ARHGAP10: variants seen among roughly 807,000 people sequenced by gnomAD.
ARHGAP10 encodes Rho GTPase activating protein 10, also known as rho GTPase-activating protein 10.
A neutral mutation model predicts 108.6 loss-of-function variants in ARHGAP10; 87 were observed. The observed-to-expected ratio is 0.80, with a 90% CI of 0.67 to 0.96. The LOEUF (loss-of-function observed/expected upper bound fraction) is 0.96. Among genes scored for constraint, ARHGAP10 ranks in the 40% least tolerant of loss-of-function variants. ARHGAP10 has a pLI of 0.00. For synonymous variants in ARHGAP10, 347 were observed against 341.1 expected, an observed-to-expected ratio of 1.02 and a Z score of -0.19; for missense variants, 939 against 954.5, an observed-to-expected ratio of 0.98 and a Z score of 0.21.
intron 10 of ARHGAP10, among the ~76,000 whole-genome samples, chr4:147,886,882 T>C (rs1735590551): frequency 6.6e-6 from 1 of 152,186 alleles, no homozygotes; most frequent in Admixed American, 6.5e-5. Flanking sequence ...GCAATTCTTA[T>C]GCCTTAGCCT....
rs1279066889 is a variant in ARHGAP10, at chr4:148,063,182, C to G, written c.2062C>G (p.Leu688Val). ...GQTRSSMVQWLNPQSPTTTSS... is the reference protein window; with the variant it reads ...GQTRSSMVQWVNPQSPTTTSS... ...GACCCGATCGTCTATGGTCCAGTGG[C>G]TTAACCCACAGTCTCCAACCACAAC... Residue 688 changes from leucine to valine, a missense_variant, in exon 21 of 23, where the codon CTT becomes GTT. Coordinates refer to ENST00000336498, the MANE Select transcript of ARHGAP10 (RefSeq NM_024605.4). 1 of 1,614,098 alleles carries G rather than the reference C, an allele frequency of 6.2e-7. No homozygotes were observed. The highest frequency in any genetic ancestry group is 8.5e-7 in the Non-Finnish European group (1 of 1,180,052).
At chr4:148,060,578 AC>A (rs1729574498) in intron 20 of ARHGAP10, among the ~76,000 whole-genome samples, 2 of 152,146 alleles carry the variant, frequency 1.3e-5, no homozygotes, top group Non-Finnish European at 2.9e-5. Context: ...GTTTGGCTGC[AC>A]AGGTCTCTTC....
chr4:148,030,015 A>G (rs894710353), intron 19 of ARHGAP10, among the ~76,000 whole-genome samples: 8 of 148,802 alleles, frequency 5.4e-5, no homozygotes, highest in South Asian at 2.2e-4. Context: ...ACCAACCCCA[A>G]TGCTAGTGAC....
At chr4:147,882,645 C>T (rs1369647513) in intron 10 of ARHGAP10, among the ~76,000 whole-genome samples, 3 of 152,052 alleles carry the variant, frequency 2.0e-5, no homozygotes, top group Non-Finnish European at 2.9e-5. Context: ...ACATCCTGTA[C>T]GTGATGGAGG....
intron 1 of ARHGAP10, among the ~76,000 whole-genome samples, chr4:147,769,609 C>T (rs1431612049): frequency 1.3e-5 from 2 of 152,190 alleles, no homozygotes; most frequent in Non-Finnish European, 2.9e-5. Flanking sequence ...CCTGAGGTTC[C>T]ACAAAACCCT....
In ARHGAP10 at chr4:147,892,814, A is replaced by G. The variant is rs367573073; in HGVS notation, c.1034+10882A>G. Among the ~76,000 whole-genome samples the G allele has an allele frequency of 2.6e-5, 4 of 152,242 alleles. No individual in the cohort carries two copies. In the East Asian group the frequency reaches 5.8e-4, roughly 22 times the overall value. On this transcript the variant is annotated intron_variant, in intron 10 of 22. Coordinates refer to ENST00000336498, the MANE Select transcript of ARHGAP10 (RefSeq NM_024605.4). The stretch of plus-strand genomic sequence containing the variant: ...GGGACACTGGGCAATATCTGGAGAC[A>G]CTGATATAATGTATTTTAACTGTGT...
rs1216209902 is a variant in ARHGAP10, at chr4:147,849,741, G to A, written c.384+2519G>A. Among the ~76,000 whole-genome samples the A allele has an allele frequency of 2.6e-5, 4 of 152,144 alleles. No individual in the cohort carries two copies. The East Asian group carries it at 7.7e-4, about 29-fold the overall frequency. On this transcript the variant is annotated intron_variant, in intron 4 of 22. Transcript: ENST00000336498. ...TTAAATCTATTCTAAGTGGCTAGGT[G>A]GTTTTTGTAAATTGGATTTTGAAAA...
At chr4:147,908,517 TTCAGCTA>T (rs1736594766) in intron 11 of ARHGAP10, among the ~76,000 whole-genome samples, 1 of 152,206 alleles carries the variant, frequency 6.6e-6, no homozygotes, top group South Asian at 2.1e-4. Context: ...AAAAACAATA[TTCAGCTA>T]TGTATTTATA....
intron 10 of ARHGAP10, among the ~76,000 whole-genome samples, chr4:147,888,300 C>T (rs1262038695): frequency 6.6e-6 from 1 of 152,156 alleles, no homozygotes; most frequent in African/African-American, 2.4e-5. Flanking sequence ...TTGTCCCTGA[C>T]CTCCAGCTTC....
At chr4:147,912,544 AACAAATATATAT>A (rs1311526586) in intron 12 of ARHGAP10, among the ~76,000 whole-genome samples, 6 of 108,594 alleles carry the variant, frequency 5.5e-5, no homozygotes, top group African/African-American at 2.2e-4. Flanking sequence ...CAAACAAACA[AACAAATATATAT>A]ATATATATAT....
chr4:147,838,873 C>T (rs1375821638), intron 3 of ARHGAP10, among the ~76,000 whole-genome samples: 2 of 152,118 alleles, frequency 1.3e-5, no homozygotes, highest in Non-Finnish European at 2.9e-5. Context: ...CTTAGTGTCC[C>T]TTTGTTTTTG....
intron 20 of ARHGAP10, among the ~76,000 whole-genome samples, chr4:148,060,218 C>G (rs1729550507): frequency 6.6e-6 from 1 of 151,964 alleles, no homozygotes; most frequent in Non-Finnish European, 1.5e-5. Context: ...CTTTCCTCTA[C>G]CGTTTTTTGA....
chr4:147,897,313 G>C (rs1380305396), intron 10 of ARHGAP10, among the ~76,000 whole-genome samples: 2 of 151,464 alleles, frequency 1.3e-5, no homozygotes. Flanking sequence ...ATGTTGCCCA[G>C]GCTGGTCTTG....
At chr4:147,753,452 T>G (rs969039749) in intron 1 of ARHGAP10, among the ~76,000 whole-genome samples, 2 of 151,770 alleles carry the variant, frequency 1.3e-5, no homozygotes, top group African/African-American at 4.8e-5. Context: ...CAAGCGATTC[T>G]CCTGCCTCAG....
chr4:147,905,711 T>C (rs1736459222), intron 10 of ARHGAP10, among the ~76,000 whole-genome samples: 1 of 149,058 alleles, frequency 6.7e-6, no homozygotes, highest in Non-Finnish European at 1.5e-5. Flanking sequence ...GACTTGGCGA[T>C]GTGGGCTCTT....
intron 18 of ARHGAP10, among the ~76,000 whole-genome samples, chr4:147,999,588 T>G (rs1410781827): frequency 6.6e-6 from 1 of 152,252 alleles, no homozygotes; most frequent in Non-Finnish European, 1.5e-5. Flanking sequence ...CACAGCTAAG[T>G]GCCCATGTTC....
chr4:147,970,998 C>A (rs1006751612), intron 18 of ARHGAP10, among the ~76,000 whole-genome samples: 1 of 147,376 alleles, frequency 6.8e-6, no homozygotes, highest in Admixed American at 7.0e-5. Flanking sequence ...GAGGCTGAGG[C>A]AGAAGAATTG....
intron 4 of ARHGAP10, among the ~76,000 whole-genome samples, chr4:147,857,199 T>C (rs1405856932): frequency 6.6e-6 from 1 of 152,246 alleles, no homozygotes; most frequent in African/African-American, 2.4e-5. Flanking sequence ...GGAGCAAGTT[T>C]GCTTTTTTAA....
chr4:147,833,961 C>T (rs1161542527), intron 3 of ARHGAP10, among the ~76,000 whole-genome samples: 1 of 152,102 alleles, frequency 6.6e-6, no homozygotes, highest in Non-Finnish European at 1.5e-5. Flanking sequence ...CTCTGTGGTA[C>T]AGTTGTGTTA....
Sources: gnomAD v4.1 joint callset for allele counts (sites outside exome capture counted in the v4.1 genomes callset) on GRCh38, gnomAD v4.1.1 for gene constraint, MANE v1.5 for transcripts, NCBI Gene and HGNC (gene_info 2026-07-23, HGNC 2026-07-21) for gene names.